Variants in E2F5 observed in about 807,000 individuals in gnomAD.
E2F5 encodes transcription factor E2F5.
Under a neutral mutation model 39.1 loss-of-function variants are expected in E2F5, and 23 were observed. The observed-to-expected ratio is 0.59, with a 90% CI of 0.42 to 0.83. E2F5 has a LOEUF of 0.83. Among genes scored for constraint, E2F5 ranks in the 40% least tolerant of loss-of-function variants. The pLI is 0.00. For synonymous variants in E2F5, 145 were observed against 157.8 expected (o/e 0.92, Z 0.61); for missense variants, 365 against 406.7 (o/e 0.90, Z 0.88).
At chr8:85,198,303 A>C (rs535474872) in intron 1 of E2F5, among the ~76,000 whole-genome samples, 1 of 152,028 alleles carries the variant, frequency 6.6e-6, no homozygotes, top group East Asian at 1.9e-4. Context: ...GATCATTCCT[A>C]TCAGCATACT....
chr8:85,213,832 T>A lies in E2F5; in HGVS notation c.1011T>A (p.Asp337Glu). ...FNLDDNEGVC[D>E]LFDVQILNY is the part of the protein sequence containing the mutation. The stretch of plus-strand genomic sequence containing the variant: ...TAGATGATAACGAAGGAGTTTGTGA[T>A]CTGTTTGATGTCCAGATACTAAATT... The change falls in exon 8 of 8, where the codon GAT becomes GAA. Residue 337 changes from aspartate to glutamate, a missense_variant. Asp to Glu is a conservative substitution (Grantham distance 45, BLOSUM62 2). Coordinates refer to ENST00000416274, the MANE Select transcript of E2F5 (RefSeq NM_001951.4). 6.2e-7 allele frequency: 1 copy of A among 1,611,768 alleles called. No individual in the cohort carries two copies. Among genetic ancestry groups the A allele is most frequent in the Non-Finnish European group, 8.5e-7 (1 of 1,178,096 alleles).
At chr8:85,179,057 C>A (rs966437589) in intron 1 of E2F5, among the ~76,000 whole-genome samples, 3 of 152,142 alleles carry the variant, frequency 2.0e-5, no homozygotes, top group Non-Finnish European at 4.4e-5. Flanking sequence ...CTTCCTTTCT[C>A]TCCCTGAAAG....
chr8:85,178,764 C>T lies in E2F5; in HGVS notation c.234+1110C>T, dbSNP rs373836474. Among the ~76,000 whole-genome samples the T allele has an allele frequency of 3.0e-4, 45 of 152,310 alleles. No individual in the cohort carries two copies. In the South Asian group the frequency reaches 4.8e-3, roughly 16 times the overall value. On this transcript the variant is annotated intron_variant, in intron 1 of 7. Coordinates refer to ENST00000416274, the MANE Select transcript of E2F5 (RefSeq NM_001951.4). ...AGCTCCCTGAATGTAAGGACCAAGACTTGCAGGGGCCAACTCTTCTGCTAG... is the reference window on the plus strand; with the variant it reads ...AGCTCCCTGAATGTAAGGACCAAGATTTGCAGGGGCCAACTCTTCTGCTAG...
In E2F5 at chr8:85,186,872, G is replaced by A. The variant is rs1587484373; in HGVS notation, c.234+9218G>A. 2.7e-5 allele frequency among the ~76,000 whole-genome samples: 4 copies of A among 147,868 alleles called. No individual in the cohort carries two copies. The South Asian group carries it at 8.5e-4, about 31-fold the overall frequency. On this transcript the variant is annotated intron_variant, in intron 1 of 7. Transcript: ENST00000416274. ...TATATATGGTGTGTATATATAAGGTGTATATATATGGTATATATATATGTA... is the reference window on the plus strand; with the variant it reads ...TATATATGGTGTGTATATATAAGGTATATATATATGGTATATATATATGTA...
rs58188216 is a variant in E2F5, at chr8:85,180,511, C to CATATATATAT, written c.234+2892_234+2901dup. 5.0e-3 allele frequency among the ~76,000 whole-genome samples: 406 copies of CATATATATAT among 80,590 alleles called. 2 individuals carry two copies. The highest frequency in any genetic ancestry group is 6.3e-3 in the Non-Finnish European group (296 of 46,774). 52.9% of individuals were successfully genotyped at this position (80,590 alleles called of 152,430 possible). ...TTTAAACGCAGTTAAAGAAACTATA[C>CATATATATAT]ATATATATATATATATATATATATA... is the stretch of plus-strand genomic sequence containing the variant. On this transcript the variant is annotated intron_variant, in intron 1 of 7. Coordinates refer to ENST00000416274, the MANE Select transcript of E2F5 (RefSeq NM_001951.4).
rs1391598615 is a variant in E2F5, at chr8:85,177,330, G to A, written c.-91G>A. The A allele has an allele frequency of 2.1e-6, 2 of 955,030 alleles. No homozygotes were observed. Among genetic ancestry groups the A allele is most frequent in the Non-Finnish European group, 2.5e-6 (2 of 802,308 alleles). 59.2% of individuals were successfully genotyped at this position (955,030 alleles called of 1,614,324 possible). ...TACCGCTCTCGGCGGGCGGGGAAGC[G>A]GCCGCAGCGGAGCCGACCCGGCAGG... On this transcript the variant is annotated 5_prime_UTR_variant, in exon 1 of 8. Transcript: ENST00000416274.
At chr8:85,186,316 T>A (rs993265675) in intron 1 of E2F5, among the ~76,000 whole-genome samples, 1 of 150,384 alleles carries the variant, frequency 6.6e-6, no homozygotes, top group Non-Finnish European at 1.5e-5. Flanking sequence ...CAAGAACACA[T>A]GGACACAGGG....
chr8:85,182,896 C>G (rs567079264), intron 1 of E2F5, among the ~76,000 whole-genome samples: 1 of 152,210 alleles, frequency 6.6e-6, no homozygotes, highest in Non-Finnish European at 1.5e-5. Context: ...TCTGACAGGT[C>G]CCTGATGCAT....
In E2F5 at chr8:85,188,685, G is replaced by T. The variant is rs552796077; in HGVS notation, c.234+11031G>T. Among the ~76,000 whole-genome samples the T allele has an allele frequency of 3.9e-5, 6 of 152,186 alleles. No individual in the cohort carries two copies. The East Asian group carries it at 9.6e-4, about 24-fold the overall frequency. Reference sequence around the variant, plus strand: ...TTGCCTTGAAAGCCTGAAGCCTCGGGTTATGTGATCCTGCTTGGCACCAGG... The same window carrying T: ...TTGCCTTGAAAGCCTGAAGCCTCGGTTTATGTGATCCTGCTTGGCACCAGG... On this transcript the variant is annotated intron_variant, in intron 1 of 7. Coordinates refer to ENST00000416274, the MANE Select transcript of E2F5 (RefSeq NM_001951.4).
At chr8:85,182,428 AT>A (rs1812240984) in intron 1 of E2F5, among the ~76,000 whole-genome samples, 1 of 152,212 alleles carries the variant, frequency 6.6e-6, no homozygotes, top group Non-Finnish European at 1.5e-5. Flanking sequence ...AAATTAGACC[AT>A]TTATTGTTAT....
intron 1 of E2F5, among the ~76,000 whole-genome samples, chr8:85,183,217 A>C (rs1349035913): frequency 6.6e-6 from 1 of 152,192 alleles, no homozygotes; most frequent in Non-Finnish European, 1.5e-5. Context: ...ACGCCACTGC[A>C]CTCCAGCCTG....
At chr8:85,197,227 A>C (rs1277086330) in intron 1 of E2F5, among the ~76,000 whole-genome samples, 1 of 152,258 alleles carries the variant, frequency 6.6e-6, no homozygotes, top group African/African-American at 2.4e-5. Flanking sequence ...GCAGGTGAAG[A>C]ACCTGAAAGA....
intron 1 of E2F5, among the ~76,000 whole-genome samples, chr8:85,193,000 C>A (rs4150895): frequency 0.047 from 7,094 of 152,212 alleles, 214 homozygotes; most frequent in Non-Finnish European, 0.058. Context: ...CAGTATCTGG[C>A]ACATAGTAAA....
rs939267983 is a variant in E2F5, at chr8:85,177,436, C to A, written c.16C>A (p.Pro6Thr). MAAAE[P>T]ASSGQQAPAG... ...CCGGGACGCGATGGCGGCGGCAGAG[C>A]CCGCGAGCTCGGGCCAGCAGGCGCC... The change falls in exon 1 of 8, where the codon CCC becomes ACC. Residue 6 changes from proline (P) to threonine (T), a missense_variant. Pro to Thr is a conservative substitution (Grantham distance 38). Transcript: ENST00000416274. 295 of 991,174 alleles carry A rather than the reference C, an allele frequency of 3.0e-4. No individual in the cohort carries two copies. The highest frequency in any genetic ancestry group is 3.4e-4 in the Non-Finnish European group (284 of 835,014). The allele number at this position is 991,174 out of a possible 1,614,324, so 61.4% of individuals were successfully genotyped here.
At chr8:85,208,887 G>A (rs1812855104) in intron 5 of E2F5, among the ~76,000 whole-genome samples, 1 of 152,150 alleles carries the variant, frequency 6.6e-6, no homozygotes, top group South Asian at 2.1e-4. Context: ...ACAACAGATG[G>A]TTGCCAGAAT....
At chr8:85,186,060 G>A (rs1034809603) in intron 1 of E2F5, among the ~76,000 whole-genome samples, 24 of 152,234 alleles carry the variant, frequency 1.6e-4, no homozygotes, top group African/African-American at 4.6e-4. Context: ...ACATGCACAC[G>A]TATGTTTATT....
At chr8:85,181,939 C>T (rs1293803871) in intron 1 of E2F5, among the ~76,000 whole-genome samples, 2 of 145,786 alleles carry the variant, frequency 1.4e-5, no homozygotes, top group South Asian at 4.5e-4. Context: ...CCATCCTGGG[C>T]GACAAGAGCG....
At chr8:85,193,174 A>G (rs975523120) in intron 1 of E2F5, among the ~76,000 whole-genome samples, 6 of 152,118 alleles carry the variant, frequency 3.9e-5, no homozygotes, top group African/African-American at 1.4e-4. Flanking sequence ...AACTTTATAT[A>G]TATACTTTAC....
chr8:85,183,541 A>G (rs1812266540), intron 1 of E2F5, among the ~76,000 whole-genome samples: 1 of 152,234 alleles, frequency 6.6e-6, no homozygotes, highest in Admixed American at 6.5e-5. Context: ...AAAATGTGGT[A>G]TATATACAAT....
Sources: allele counts gnomAD v4.1 joint callset (sites outside exome capture counted in the v4.1 genomes callset), GRCh38; gene constraint gnomAD v4.1.1; transcripts MANE v1.5; gene names NCBI Gene and HGNC (gene_info 2026-07-23, HGNC 2026-07-21).